METTL2A: variants seen among roughly 807,000 people sequenced by gnomAD.
The protein encoded by METTL2A is methyltransferase 2A, tRNA N3-cytidine.
In METTL2A, 45 loss-of-function variants were observed where a neutral mutation model predicts 49.4. That is an observed-to-expected ratio of 0.91 (90% confidence interval 0.72 to 1.17). The LOEUF (loss-of-function observed/expected upper bound fraction) is 1.17. METTL2A is among the 50% of genes most tolerant of loss of function. The pLI is 0.00. For synonymous variants in METTL2A, 118 were observed against 167.5 expected (o/e 0.70, Z 2.28); for missense variants, 361 against 462.2 (o/e 0.78, Z 2.01).
chr17:62,437,420 A>C (rs1463610741), intron 5 of METTL2A, among the ~76,000 whole-genome samples: 1 of 152,030 alleles, frequency 6.6e-6, no homozygotes, highest in African/African-American at 2.4e-5. Flanking sequence ...TTTGCATACC[A>C]GTTTTCTCTA....
intron 4 of METTL2A, among the ~76,000 whole-genome samples, chr17:62,432,885 G>A (rs1464266206): frequency 2.5e-5 from 1 of 39,660 alleles, no homozygotes; most frequent in Non-Finnish European, 6.4e-5. Flanking sequence ...ATTGGTTGGG[G>A]CTGCAGTGAG....
chr17:62,439,258 G>A (rs967501372), intron 5 of METTL2A, among the ~76,000 whole-genome samples: 1 of 151,746 alleles, frequency 6.6e-6, no homozygotes, highest in African/African-American at 2.4e-5. Context: ...TAGGATTACA[G>A]GCATGCACCC....
At chr17:62,435,067 A>T in intron 4 of METTL2A, 165 bp from the exon 5 acceptor site, 2 of 1,083,182 alleles carry the variant, frequency 1.8e-6, no homozygotes, top group African/African-American at 3.2e-5. Context: ...GATATAATTC[A>T]AAAGGGATTT....
chr17:62,443,459 T>A (rs1437728593), intron 6 of METTL2A, among the ~76,000 whole-genome samples: 1 of 152,162 alleles, frequency 6.6e-6, no homozygotes, highest in Admixed American at 6.6e-5. Context: ...TATTAAAATT[T>A]AAAATTCAAG....
chr17:62,438,576 CAAAA>C (rs35559687), intron 5 of METTL2A, among the ~76,000 whole-genome samples: 8 of 76,892 alleles, frequency 1.0e-4, no homozygotes, highest in East Asian at 2.7e-4. Context: ...GACTCTGTTT[CAAAA>C]AAAAAAAAAA....
At position 62,423,980 on chromosome 17, in the gene METTL2A, A is replaced by G; in HGVS notation, c.78A>G (p.Arg26=). The change falls in exon 1 of 9, where the codon AGA becomes AGG. Residue 26 remains arginine (R), a synonymous_variant. Coordinates refer to ENST00000311506, the MANE Select transcript of METTL2A (RefSeq NM_181725.4). ...AGCAGTTCGGAAGCCGGTTCCTGAG[A>G]GATCCGGCGCGCGTCTTCCACCACA... ...KRQQFGSRFL[R]DPARVFHHNA... is the part of the protein sequence containing the mutation. The G allele has an allele frequency of 6.2e-7, 1 of 1,613,998 alleles. No individual in the cohort carries two copies. Among genetic ancestry groups the G allele is most frequent in the Non-Finnish European group, 8.5e-7 (1 of 1,180,012 alleles).
chr17:62,431,946 C>G (rs959295028), intron 4 of METTL2A, among the ~76,000 whole-genome samples: 1 of 152,104 alleles, frequency 6.6e-6, no homozygotes, highest in African/African-American at 2.4e-5. Flanking sequence ...GTCTCAAATT[C>G]CTGACCTCGT....
chr17:62,427,545 C>G (rs1242870988), intron 3 of METTL2A, among the ~76,000 whole-genome samples: 5 of 152,138 alleles, frequency 3.3e-5, no homozygotes, highest in African/African-American at 1.2e-4. Flanking sequence ...TAAAAGCAAT[C>G]CTTGCCCTTT....
intron 7 of METTL2A, among the ~76,000 whole-genome samples, chr17:62,447,385 A>T (rs575907744): frequency 6.6e-6 from 1 of 152,334 alleles, no homozygotes; most frequent in African/African-American, 2.4e-5. Context: ...ACGCCATTGC[A>T]CCCAGCCTAG....
chr17:62,433,637 G>T (rs924417108), intron 4 of METTL2A, among the ~76,000 whole-genome samples: 1 of 151,562 alleles, frequency 6.6e-6, no homozygotes, highest in Non-Finnish European at 1.5e-5. Context: ...CTACTCAGGA[G>T]GCTGAGGCCA....
chr17:62,441,164 C>G (rs901769619), intron 6 of METTL2A, among the ~76,000 whole-genome samples: 3 of 152,198 alleles, frequency 2.0e-5, no homozygotes, highest in African/African-American at 4.8e-5. Flanking sequence ...TGTTTATGTT[C>G]TGATAGACAC....
intron 5 of METTL2A, among the ~76,000 whole-genome samples, chr17:62,436,609 C>A (rs933695965): frequency 6.6e-6 from 1 of 152,128 alleles, no homozygotes; most frequent in Non-Finnish European, 1.5e-5. Context: ...TAATAATCAT[C>A]TAAACCTTCA....
intron 2 of METTL2A, among the ~76,000 whole-genome samples, chr17:62,425,460 C>T (rs1385326833): frequency 2.1e-5 from 3 of 142,466 alleles, no homozygotes; most frequent in Admixed American, 1.5e-4. Context: ...GATCTCAGCT[C>T]GCTGCAATCT....
intron 3 of METTL2A, 114 bp from the exon 4 acceptor site, chr17:62,427,674 C>T: frequency 6.7e-7 from 1 of 1,489,386 alleles, no homozygotes; most frequent in Non-Finnish European, 9.1e-7. Flanking sequence ...GTCACTACAC[C>T]TTCCCTAATA....
At chr17:62,441,158 T>TAA (rs2144151261) in intron 6 of METTL2A, among the ~76,000 whole-genome samples, 1 of 152,346 alleles carries the variant, frequency 6.6e-6, no homozygotes, top group South Asian at 2.1e-4. Context: ...GAGTTTTGTT[T>TAA]ATGTTCTGAT....
In METTL2A at chr17:62,443,794, G is replaced by C. The variant is rs536336877; in HGVS notation, c.810-1043G>C. 1.6e-3 allele frequency among the ~76,000 whole-genome samples: 250 copies of C among 152,234 alleles called. 1 individual carries two copies. The highest frequency in any genetic ancestry group is 5.7e-3 in the African/African-American group (236 of 41,556). On this transcript the variant is annotated intron_variant, in intron 6 of 8. Transcript: ENST00000311506. ...TTTAGTAGAGACAGGGTTTCACCAT[G>C]TTGGCCAGGCTGGTCTCGAACTCCT...
intron 4 of METTL2A, among the ~76,000 whole-genome samples, chr17:62,431,717 CGTTTT>C (rs1437659713): frequency 1.3e-5 from 2 of 151,362 alleles, no homozygotes; most frequent in South Asian, 2.1e-4. Context: ...GGTTGGTTTT[CGTTTT>C]GTTTTGTTTT....
At position 62,451,322 on chromosome 17, in the gene METTL2A, A is replaced by G. The variant is rs1042099502; in HGVS notation, c.*2593A>G. Among the ~76,000 whole-genome samples, 1 of 151,220 alleles carries G rather than the reference A, an allele frequency of 6.6e-6. No individual in the cohort carries two copies. The highest frequency in any genetic ancestry group is 1.5e-5 in the Non-Finnish European group (1 of 67,746). On this transcript the variant is annotated 3_prime_UTR_variant, in exon 9 of 9. Transcript: ENST00000311506. Reference sequence around the variant, plus strand: ...CCACCATTCCCGGCTAATTTTTTGTATTTTTAGTAGAGACAGAGTTTCTCC... The same window carrying G: ...CCACCATTCCCGGCTAATTTTTTGTGTTTTTAGTAGAGACAGAGTTTCTCC...
chr17:62,428,006 G>GT (rs201371392), intron 4 of METTL2A, among the ~76,000 whole-genome samples, 169 bp downstream of exon 4: 5,129 of 152,236 alleles, frequency 0.034, 299 homozygotes, highest in African/African-American at 0.12. Context: ...AAAAGTAAAG[G>GT]TTTTTTCAAA....
Sources: allele counts gnomAD v4.1 joint callset (sites outside exome capture counted in the v4.1 genomes callset), GRCh38; gene constraint gnomAD v4.1.1; transcripts MANE v1.5; gene names NCBI Gene and HGNC (gene_info 2026-07-23, HGNC 2026-07-21).